Variants in CHTOP observed in about 807,000 individuals in gnomAD.
The protein encoded by CHTOP is chromatin target of PRMT1 protein.
In CHTOP, 18 loss-of-function variants were observed where a neutral mutation model predicts 33.6. The ratio of observed to expected loss-of-function variants is 0.54; its 90% confidence interval spans 0.37 to 0.80. The LOEUF (loss-of-function observed/expected upper bound fraction) is 0.80, where lower values mean the gene tolerates loss of function less well. Among genes scored for constraint, CHTOP ranks in the 30% least tolerant of loss-of-function variants. The probability of loss-of-function intolerance (pLI) is 0.00; values close to 1 mark genes in which losing one functional copy is unlikely to be tolerated. For synonymous variants in CHTOP, 117 were observed against 127.7 expected, an observed-to-expected ratio of 0.92 and a Z score of 0.56; for missense variants, 263 against 336.8, an observed-to-expected ratio of 0.78 and a Z score of 1.71.
At chr1:153,635,955 T>TGG (rs1431056380) in intron 1 of CHTOP, among the ~76,000 whole-genome samples, 1 of 152,078 alleles carries the variant, frequency 6.6e-6, no homozygotes, top group East Asian at 1.9e-4. Flanking sequence ...TTTAAAGAGA[T>TGG]GGGGTCTCAG....
chr1:153,642,255 C>T lies in CHTOP; in HGVS notation c.229C>T (p.Gln77Ter). 2 of 1,610,588 alleles carry T rather than the reference C, an allele frequency of 1.2e-6. No homozygotes were observed. Among genetic ancestry groups the T allele is most frequent in the Non-Finnish European group, 1.7e-6 (2 of 1,177,864 alleles). The change falls in exon 4 of 6, where the codon CAG becomes TAG. Residue 77 changes from glutamine to a stop codon, truncating the protein, a stop_gained. Coordinates refer to ENST00000368694, the MANE Select transcript of CHTOP (RefSeq NM_015607.4). LOFTEE classifies it high-confidence loss of function. The part of the protein sequence containing the change: ...AALKLKQSLK[Q>*]RLGKSNIQAR... ...CCTTTTCTTCCAGAAGAGCTTAAAGCAGCGCCTGGGTAAGAGTAACATCCA... is the reference window on the plus strand; with the variant it reads ...CCTTTTCTTCCAGAAGAGCTTAAAGTAGCGCCTGGGTAAGAGTAACATCCA...
At chr1:153,634,856 AT>A (rs146354266) in intron 1 of CHTOP, among the ~76,000 whole-genome samples, 10,521 of 100,030 alleles carry the variant, frequency 0.11, 418 homozygotes, top group Non-Finnish European at 0.12. Context: ...ATATATATAT[AT>A]TTTTTTTTGG....
Position 153,645,340 on chromosome 1 carries a change from G to T in CHTOP, c.*71G>T. The T allele has an allele frequency of 1.4e-6, 2 of 1,466,590 alleles. No homozygotes were observed. Among genetic ancestry groups the T allele is most frequent in the South Asian group, 1.2e-5 (1 of 83,124 alleles). 90.8% of individuals were successfully genotyped at this position (1,466,590 alleles called of 1,614,324 possible). On this transcript the variant is annotated 3_prime_UTR_variant, in exon 6 of 6. Transcript: ENST00000368694. The stretch of plus-strand genomic sequence containing the variant: ...TGTAAATAACCTTGAGATAACAGAT[G>T]AGAAGAAATCTGATTGATGCTGGAT...
chr1:153,636,039 G>C (rs572057814), intron 1 of CHTOP, among the ~76,000 whole-genome samples: 1 of 151,774 alleles, frequency 6.6e-6, no homozygotes, highest in South Asian at 2.1e-4. Context: ...TCCCACCTCA[G>C]CTCCCCTGAG....
rs776645915 is a variant in CHTOP, at chr1:153,638,312, A to G, written c.83A>G (p.Lys28Arg). Reference sequence around the variant, plus strand: ...CCTTGAAGCTTTACTAATATGCTGAAGAACAAACAGCCGACGCCAGTGAAT... The same window carrying G: ...CCTTGAAGCTTTACTAATATGCTGAGGAACAAACAGCCGACGCCAGTGAAT... ...SLNERFTNML[K>R]NKQPTPVNIR... The change falls in exon 3 of 6, where the codon AAG becomes AGG. Residue 28 changes from lysine (K) to arginine (R), a missense_variant. Lys to Arg is a conservative substitution (Grantham distance 26, BLOSUM62 2). This residue lies in a region of CHTOP where 73 missense variants were observed against 108.9 expected (regional missense o/e 0.67). Transcript: ENST00000368694. The G allele has an allele frequency of 6.2e-7, 1 of 1,614,254 alleles. No homozygotes were observed. Among genetic ancestry groups the G allele is most frequent in the Non-Finnish European group, 8.5e-7 (1 of 1,180,038 alleles).
At chr1:153,643,476 T>C (rs1207555859) in intron 5 of CHTOP, 112 bp downstream of exon 5, 5 of 1,154,670 alleles carry the variant, frequency 4.3e-6, no homozygotes, top group Non-Finnish European at 4.7e-6. Flanking sequence ...TTTGTTTGTC[T>C]TGTTTTGTTA....
At chr1:153,642,175 C>T (rs1020610741) in intron 3 of CHTOP, 71 bp from the exon 4 acceptor site, 17 of 1,329,670 alleles carry the variant, frequency 1.3e-5, no homozygotes, top group East Asian at 4.8e-5. Context: ...TTTTTCTCTG[C>T]ACTTTGAGTT....
chr1:153,644,255 A>G (rs757551285), intron 5 of CHTOP: 1 of 152,232 alleles, frequency 6.6e-6, no homozygotes, highest in Non-Finnish European at 1.5e-5. Flanking sequence ...ATTATATGAT[A>G]CTTACTGAGT....
chr1:153,639,541 AC>A (rs1668539564), intron 3 of CHTOP: 1 of 248,530 alleles, frequency 4.0e-6, no homozygotes, highest in East Asian at 1.8e-4. Flanking sequence ...CATTGGGCTC[AC>A]TGACCAAAAA....
At chr1:153,643,088 C>G (rs1211316924) in intron 4 of CHTOP, 139 bp from the exon 5 acceptor site, 1 of 924,828 alleles carries the variant, frequency 1.1e-6, no homozygotes, top group African/African-American at 1.6e-5. Flanking sequence ...TTAATCTGTT[C>G]ACAGTATGCA....
chr1:153,642,019 A>T (rs998218175), intron 3 of CHTOP, among the ~76,000 whole-genome samples: 4 of 152,236 alleles, frequency 2.6e-5, no homozygotes, highest in African/African-American at 9.6e-5. Context: ...ATGGGACCAC[A>T]CTTGAGCTTC....
chr1:153,637,936 C>T (rs567749399), intron 2 of CHTOP: 1 of 231,714 alleles, frequency 4.3e-6, no homozygotes, highest in East Asian at 1.1e-4. Context: ...TAGAATGCAC[C>T]TCGGATCCCC....
chr1:153,645,116 C>G lies in CHTOP; in HGVS notation c.594C>G (p.Gly198=). ...GGGGCTTTGGAGGCCGAGGCCGAGG[C>G]CGTGGACGAGGGAGAGGTGCCCTTG... ...GRGGFGGRGR[G]RGRGRGALAR... is the part of the protein sequence containing the mutation. Residue 198 remains glycine, a synonymous_variant, in exon 6 of 6, where the codon GGC becomes GGG. Transcript: ENST00000368694. The G allele has an allele frequency of 6.2e-7, 1 of 1,613,704 alleles. No homozygotes were observed. Among genetic ancestry groups the G allele is most frequent in the Non-Finnish European group, 8.5e-7 (1 of 1,179,982 alleles).
intron 4 of CHTOP, chr1:153,642,973 C>T: frequency 2.1e-6 from 1 of 475,546 alleles, no homozygotes; most frequent in East Asian, 4.2e-5. Context: ...TCTGATTATT[C>T]AGTAGATATT....
intron 1 of CHTOP, among the ~76,000 whole-genome samples, chr1:153,634,941 C>T (rs150207800): frequency 0.046 from 6,934 of 151,834 alleles, 255 homozygotes; most frequent in Non-Finnish European, 0.068. Flanking sequence ...ACAACTTCCG[C>T]CTCCCGGGTT....
At chr1:153,642,166 T>A (rs1348651929) in intron 3 of CHTOP, 80 bp from the exon 4 acceptor site, 1 of 1,262,082 alleles carries the variant, frequency 7.9e-7, no homozygotes, top group Non-Finnish European at 1.1e-6. Context: ...ACTTGCTTCT[T>A]TTTCTCTGCA....
chr1:153,636,356 C>T (rs566372857), intron 1 of CHTOP, among the ~76,000 whole-genome samples: 75 of 146,968 alleles, frequency 5.1e-4, no homozygotes, highest in African/African-American at 1.6e-3. Context: ...CAGGAGATTA[C>T]GGCTGCAGTG....
chr1:153,645,438 A>T lies in CHTOP; in HGVS notation c.*169A>T, dbSNP rs1296026709. On this transcript the variant is annotated 3_prime_UTR_variant, in exon 6 of 6. Coordinates refer to ENST00000368694, the MANE Select transcript of CHTOP (RefSeq NM_015607.4). ...TTTAGTGTGTTCCTTTTACTTTTTG[A>T]TACTGTGTTGTATGAAACCCTTTTG... 5.3e-6 allele frequency: 2 copies of T among 375,030 alleles called. No individual in the cohort carries two copies. The highest frequency in any genetic ancestry group is 8.8e-6 in the Non-Finnish European group (2 of 227,342). 23.2% of individuals were successfully genotyped at this position (375,030 alleles called of 1,614,324 possible).
At chr1:153,641,452 A>G (rs1166033390) in intron 3 of CHTOP, among the ~76,000 whole-genome samples, 1 of 152,204 alleles carries the variant, frequency 6.6e-6, no homozygotes, top group Non-Finnish European at 1.5e-5. Flanking sequence ...TTGTTCTTAT[A>G]TATGGCCCTG....
Sources: gnomAD v4.1 joint callset for allele counts (sites outside exome capture counted in the v4.1 genomes callset) on GRCh38, gnomAD v4.1.1 for gene constraint, gnomAD v4.1.1 regional missense constraint, MANE v1.5 for transcripts, NCBI Gene and HGNC (gene_info 2026-07-23, HGNC 2026-07-21) for gene names.